Variants in SUGP1 observed in about 807,000 individuals in gnomAD.
The protein encoded by SUGP1 is SURP and G-patch domain-containing protein 1.
In SUGP1, 34 loss-of-function variants were observed where a neutral mutation model predicts 76.5. The ratio of observed to expected loss-of-function variants is 0.44; its 90% CI spans 0.34 to 0.59. The LOEUF (loss-of-function observed/expected upper bound fraction) is 0.59. SUGP1 is among the 20% of genes least tolerant of loss of function. SUGP1 has a pLI of 0.01. For missense variants in SUGP1, 752 were observed against 851.7 expected, an observed-to-expected ratio of 0.88 and a Z score of 1.46; for synonymous variants, 326 against 326.2, an observed-to-expected ratio of 1.00 and a Z score of 0.01.
chr19:19,303,975 G>C, intron 4 of SUGP1, 128 bp from the exon 5 acceptor site: 1 of 1,596,604 alleles, frequency 6.3e-7, no homozygotes, highest in Non-Finnish European at 8.5e-7. Flanking sequence ...AGGCTGTCGG[G>C]CGTCCCGAGT....
At chr19:19,294,871 C>T (rs1178776400) in intron 8 of SUGP1, among the ~76,000 whole-genome samples, 7 of 151,648 alleles carry the variant, frequency 4.6e-5, no homozygotes, top group Non-Finnish European at 8.8e-5. Flanking sequence ...CATCAAAAGA[C>T]GCTATTACTA....
rs55849619 is a variant in SUGP1 at position 19,318,113 on chromosome 19, C to CTTTTCTTTTTTT, written c.35-1521_35-1520insAAAAAAAGAAAA. ...GGCGTGAGCCACCGAACCCAGCCTT[C>CTTTTCTTTTTTT]TTTTTTTTTTTTTTTTTTTTTGAGA... On this transcript the variant is annotated intron_variant, in intron 1 of 13. Transcript: ENST00000247001. Among the ~76,000 whole-genome samples the CTTTTCTTTTTTT allele has an allele frequency of 4.8e-4, 47 of 97,672 alleles. 4 individuals are homozygous for CTTTTCTTTTTTT. Among genetic ancestry groups the CTTTTCTTTTTTT allele is most frequent in the African/African-American group, 8.8e-4 (20 of 22,828 alleles). 64.1% of individuals were successfully genotyped at this position (97,672 alleles called of 152,430 possible).
intron 7 of SUGP1, among the ~76,000 whole-genome samples, chr19:19,299,582 C>T (rs1039467394): frequency 1.1e-4 from 16 of 149,958 alleles, no homozygotes; most frequent in African/African-American, 3.9e-4. Flanking sequence ...CGGGGTTTCA[C>T]TGTGTTAGCC....
rs375731577 is a variant in SUGP1 at position 19,297,179 on chromosome 19, G to T, written c.1053C>A (p.Thr351=). The T allele has an allele frequency of 1.3e-4, 204 of 1,610,460 alleles. No individual in the cohort carries two copies. The highest frequency in any genetic ancestry group is 1.6e-4 in the Non-Finnish European group (191 of 1,177,292). The change falls in exon 8 of 14, where the codon ACC becomes ACA. Residue 351 remains threonine (T), a synonymous_variant. Transcript: ENST00000247001. The part of the protein sequence containing the change: ...EALSGSLPPA[T]TCPASSTPAP... ...CAGGCGTGGACGAGGCGGGGCAGGT[G>T]GTGGCTGGGGGTAAGGACCCTGACA...
At chr19:19,289,812 G>A (rs965460006) in intron 8 of SUGP1, among the ~76,000 whole-genome samples, 6 of 152,090 alleles carry the variant, frequency 3.9e-5, no homozygotes, top group African/African-American at 1.2e-4. Flanking sequence ...AAGAGGTTCC[G>A]GACAGCAGAA....
Position 19,302,266 on chromosome 19 carries a change from T to C in SUGP1, c.886A>G (p.Ser296Gly). The C allele has an allele frequency of 6.2e-7, 1 of 1,614,086 alleles. No individual in the cohort carries two copies. Among genetic ancestry groups the C allele is most frequent in the Non-Finnish European group, 8.5e-7 (1 of 1,179,966 alleles). Residue 296 changes from serine (S) to glycine (G), a missense_variant and splice_region_variant, in exon 7 of 14, where the codon AGC (serine) becomes GGC (glycine). Physicochemically the swap from Ser to Gly is moderately conservative, Grantham distance 56. Around this residue, in one of 2 missense-constraint regions of SUGP1, gnomAD observed 620 missense variants for 617.3 expected, o/e 1.00. Coordinates refer to ENST00000247001, the MANE Select transcript of SUGP1 (RefSeq NM_172231.4). Reference protein sequence around the residue: ...LQNNRENQAFSFLYEPNSQGY... With the variant: ...LQNNRENQAFGFLYEPNSQGY... The stretch of plus-strand genomic sequence containing the variant: ...CCTCCCTGGCAGGGCCCCCCTTACC[T>C]GAATGCCTGGTTCTCACGGTTGTTC...
intron 7 of SUGP1, among the ~76,000 whole-genome samples, chr19:19,299,572 C>T (rs1265224114): frequency 3.4e-5 from 5 of 148,658 alleles, no homozygotes; most frequent in East Asian, 2.0e-4. Flanking sequence ...TTAGTAGAGA[C>T]GGGGTTTCAC....
At chr19:19,304,009 G>T (rs2061294898) in intron 4 of SUGP1, 162 bp from the exon 5 acceptor site, 1 of 1,589,028 alleles carries the variant, frequency 6.3e-7, no homozygotes, top group Non-Finnish European at 8.5e-7. Flanking sequence ...ACCATGACGA[G>T]GGGGGAGTCG....
intron 8 of SUGP1, among the ~76,000 whole-genome samples, chr19:19,288,920 G>A (rs1008166611): frequency 1.3e-5 from 2 of 152,018 alleles, no homozygotes; most frequent in African/African-American, 2.4e-5. Context: ...TGAGTAGCTG[G>A]GATTACAGGC....
intron 8 of SUGP1, among the ~76,000 whole-genome samples, chr19:19,285,755 CAG>C (rs2061134875): frequency 6.6e-6 from 1 of 151,704 alleles, no homozygotes; most frequent in Non-Finnish European, 1.5e-5. Context: ...TTTGTAGAGA[CAG>C]GGTTTTCTCA....
chr19:19,278,448 C>T (rs1014056358), intron 11 of SUGP1, among the ~76,000 whole-genome samples: 3 of 152,132 alleles, frequency 2.0e-5, no homozygotes, highest in Non-Finnish European at 4.4e-5. Flanking sequence ...ATTGGCTCCA[C>T]TGGAAGCAAA....
intron 8 of SUGP1, among the ~76,000 whole-genome samples, chr19:19,286,808 C>A (rs559548658): frequency 4.6e-4 from 70 of 152,298 alleles, no homozygotes; most frequent in African/African-American, 1.7e-3. Context: ...CTTCGGAAGC[C>A]CGAGGCAGGT....
intron 8 of SUGP1, among the ~76,000 whole-genome samples, chr19:19,287,724 G>A (rs558168594): frequency 1.9e-4 from 29 of 152,152 alleles, no homozygotes; most frequent in Non-Finnish European, 3.5e-4. Context: ...ATGACAATCT[G>A]GTAGGAGGAT....
In SUGP1 at chr19:19,299,361, C is replaced by T. The variant is rs76357999; in HGVS notation, c.888-2017G>A. ...GGTTGGACGCTGACTGTGTCACTGA[C>T]TTTTCTTTTTTTTCTTCCTTTTTTT... On this transcript the variant is annotated intron_variant, in intron 7 of 13. Coordinates refer to ENST00000247001, the MANE Select transcript of SUGP1 (RefSeq NM_172231.4). 8.8e-3 allele frequency among the ~76,000 whole-genome samples: 1,157 copies of T among 131,488 alleles called. 18 individuals are homozygous for T. Among genetic ancestry groups the T allele is most frequent in the African/African-American group, 0.035 (1,044 of 29,798 alleles). 86.3% of individuals were successfully genotyped at this position (131,488 alleles called of 152,430 possible).
chr19:19,305,865 C>T lies in SUGP1; in HGVS notation c.522G>A (p.Gln174=). The T allele has an allele frequency of 6.2e-7, 1 of 1,607,644 alleles. No individual in the cohort carries two copies. Among genetic ancestry groups the T allele is most frequent in the African/African-American group, 1.3e-5 (1 of 74,896 alleles). The change falls in exon 4 of 14, where the codon CAG becomes CAA. Residue 174 remains glutamine (Q), a synonymous_variant. Coordinates refer to ENST00000247001, the MANE Select transcript of SUGP1 (RefSeq NM_172231.4). ...ACAACTTACCTTTGATCTCCAGCCA[C>T]TGCTCATAGTCCTCCTCCTCGTCCT... is the stretch of plus-strand genomic sequence containing the variant. The part of the protein sequence containing the change: ...PDEDEEEDYE[Q]WLEIKVSPPE...
chr19:19,308,386 T>C (rs1040653580), intron 3 of SUGP1, among the ~76,000 whole-genome samples: 2 of 152,224 alleles, frequency 1.3e-5, no homozygotes, highest in Non-Finnish European at 2.9e-5. Flanking sequence ...ATCAGACGTC[T>C]ACCAAAGGGA....
At chr19:19,289,968 A>C (rs916875989) in intron 8 of SUGP1, among the ~76,000 whole-genome samples, 3 of 151,886 alleles carry the variant, frequency 2.0e-5, no homozygotes, top group Admixed American at 6.6e-5. Context: ...GTTAGGAAGA[A>C]TATAAGGGCC....
At chr19:19,281,680 TG>T (rs2061100064) in intron 8 of SUGP1, among the ~76,000 whole-genome samples, 1 of 152,176 alleles carries the variant, frequency 6.6e-6, no homozygotes, top group Admixed American at 6.5e-5. Context: ...TCCATGCACC[TG>T]TGTGTTGAGC....
Position 19,303,774 on chromosome 19 carries a change from G to C in SUGP1, c.612C>G (p.Pro204=), listed in dbSNP as rs145001420. Residue 204 remains proline, a synonymous_variant, in exon 5 of 14, where the codon CCC becomes CCG. Coordinates refer to ENST00000247001, the MANE Select transcript of SUGP1 (RefSeq NM_172231.4). ...KLARFVAEGG[P]ELEKVAMEDY... The stretch of plus-strand genomic sequence containing the variant: ...CCTCCATAGCTACTTTTTCTAACTC[G>C]GGGCCTCCTTCTGCCACAAAGCGGG... 6.2e-7 allele frequency: 1 copy of C among 1,614,140 alleles called. No individual in the cohort carries two copies. The highest frequency in any genetic ancestry group is 1.3e-5 in the African/African-American group (1 of 75,024).
Sources: allele counts gnomAD v4.1 joint callset (sites outside exome capture counted in the v4.1 genomes callset), GRCh38; gene constraint gnomAD v4.1.1; regional missense constraint gnomAD v4.1.1; transcripts MANE v1.5; gene names NCBI Gene and HGNC (gene_info 2026-07-23, HGNC 2026-07-21).